ZNF561: variants seen among roughly 807,000 people sequenced by gnomAD.
ZNF561 encodes the protein zinc finger protein 561.
Under a neutral mutation model 16.7 loss-of-function variants are expected in ZNF561, and 16 were observed. That is an observed-to-expected ratio of 0.96 (90% confidence interval 0.65 to 1.45). The LOEUF (loss-of-function observed/expected upper bound fraction) is 1.45. ZNF561 is among the 40% of genes most tolerant of loss of function. The pLI is 0.00. For missense variants in ZNF561, 580 were observed against 578.0 expected, an observed-to-expected ratio of 1.00 and a Z score of -0.04; for synonymous variants, 190 against 192.1, an observed-to-expected ratio of 0.99 and a Z score of 0.09.
At chr19:9,612,959 C>A (rs2074488221) in intron 5 of ZNF561, among the ~76,000 whole-genome samples, 1 of 151,988 alleles carries the variant, frequency 6.6e-6, no homozygotes, top group Non-Finnish European at 1.5e-5. Flanking sequence ...ACACGCCCTG[C>A]TAATTTTTTA....
At chr19:9,611,637 G>T (rs981087377) in intron 5 of ZNF561, among the ~76,000 whole-genome samples, 5 of 151,942 alleles carry the variant, frequency 3.3e-5, no homozygotes, top group Admixed American at 6.6e-5. Context: ...TAGAAACAAG[G>T]TTTTGCCAAG....
rs868609698 is a variant in ZNF561, at chr19:9,618,275, A to G, written c.26-96T>C. 1.2e-5 allele frequency: 15 copies of G among 1,206,646 alleles called. No individual in the cohort carries two copies. In the South Asian group the frequency reaches 2.0e-4, roughly 16 times the overall value. 74.7% of individuals were successfully genotyped at this position (1,206,646 alleles called of 1,614,324 possible). On this transcript the variant is annotated intron_variant, in intron 2 of 5. Coordinates refer to ENST00000302851, the MANE Select transcript of ZNF561 (RefSeq NM_152289.3). ...CATTCCATCCTAGCTTGAAATTCCG[A>G]TATGCTCCTACACACTCGAGAAAAC...
chr19:9,611,344 T>C lies in ZNF561; in HGVS notation c.325-8A>G, dbSNP rs766073229. Reference sequence around the variant, plus strand: ...TCCACTGTAGCCTCTTGTCTGTTGATGACGAGATAAAGGTTTTAAAACATT... The same window carrying C: ...TCCACTGTAGCCTCTTGTCTGTTGACGACGAGATAAAGGTTTTAAAACATT... On this transcript the variant is annotated splice_polypyrimidine_tract_variant and splice_region_variant and intron_variant, in intron 5 of 5. Coordinates refer to ENST00000302851, the MANE Select transcript of ZNF561 (RefSeq NM_152289.3). 2.5e-6 allele frequency: 4 copies of C among 1,596,112 alleles called. No homozygotes were observed. The highest frequency in any genetic ancestry group is 3.4e-6 in the Non-Finnish European group (4 of 1,169,378).
At chr19:9,612,600 C>T (rs558439052) in intron 5 of ZNF561, among the ~76,000 whole-genome samples, 1 of 152,278 alleles carries the variant, frequency 6.6e-6, no homozygotes, top group African/African-American at 2.4e-5. Flanking sequence ...CTGCCTCAGC[C>T]TCCCAAAGTG....
At position 9,607,735 on chromosome 19, in the gene ZNF561, T is replaced by C. The variant is rs1281011437; in HGVS notation, c.*2465A>G. 3 of 151,964 alleles carry C rather than the reference T, an allele frequency of 2.0e-5. No homozygotes were observed. The highest frequency in any genetic ancestry group is 7.3e-5 in the African/African-American group (3 of 41,360). 9.4% of individuals were successfully genotyped at this position (151,964 alleles called of 1,614,324 possible). ...AACGACTAAAGTGGAAAAGTAAGAG[T>C]CATTATTTACAGATTATGTGATTGT... is the stretch of plus-strand genomic sequence containing the variant. On this transcript the variant is annotated 3_prime_UTR_variant, in exon 6 of 6. Coordinates refer to ENST00000302851, the MANE Select transcript of ZNF561 (RefSeq NM_152289.3).
In ZNF561 at chr19:9,617,722, T is replaced by C. The variant is rs554294686; in HGVS notation, c.114+369A>G. On this transcript the variant is annotated intron_variant, in intron 3 of 5. Coordinates refer to ENST00000302851, the MANE Select transcript of ZNF561 (RefSeq NM_152289.3). The stretch of plus-strand genomic sequence containing the variant: ...CTAGGAGCTCTTCCTGTCCCATTGG[T>C]GTCTATGCAGCACACTCCTCAGCAC... The C allele has an allele frequency of 3.6e-4, 164 of 457,832 alleles. No homozygotes were observed. In the Admixed American group the frequency reaches 3.8e-3, roughly 10 times the overall value. 28.4% of individuals were successfully genotyped at this position (457,832 alleles called of 1,614,324 possible).
chr19:9,617,216 A>G, intron 3 of ZNF561, 45 bp from the exon 4 acceptor site: 1 of 1,591,260 alleles, frequency 6.3e-7, no homozygotes, highest in Non-Finnish European at 8.6e-7. Context: ...GAACACTTCC[A>G]CCAATATTCA....
chr19:9,611,395 C>G, intron 5 of ZNF561, 59 bp from the exon 6 acceptor site: 1 of 1,487,386 alleles, frequency 6.7e-7, no homozygotes. Context: ...AGATTTCACC[C>G]ATCTGAACAC....
Position 9,619,592 on chromosome 19 carries a change from T to C in ZNF561, c.-126-10A>G. The C allele has an allele frequency of 3.0e-6, 2 of 668,302 alleles. No homozygotes were observed. The highest frequency in any genetic ancestry group is 4.8e-6 in the Non-Finnish European group (2 of 413,678). 41.4% of individuals were successfully genotyped at this position (668,302 alleles called of 1,614,324 possible). On this transcript the variant is annotated splice_polypyrimidine_tract_variant and intron_variant, in intron 1 of 5. Coordinates refer to ENST00000302851, the MANE Select transcript of ZNF561 (RefSeq NM_152289.3). ...AGGGTTATTTGCGGTCCTGTTCATA[T>C]CAATCATCAAACAACAAGCATGAAA...
At chr19:9,617,272 G>A in intron 3 of ZNF561, 101 bp from the exon 4 acceptor site, 1 of 1,453,858 alleles carries the variant, frequency 6.9e-7, no homozygotes, top group African/African-American at 1.4e-5. Flanking sequence ...ACACGTGGTT[G>A]TCAGGTCTCC....
In ZNF561 at chr19:9,609,164, T is replaced by C. The variant is rs2074401446; in HGVS notation, c.*1036A>G. On this transcript the variant is annotated 3_prime_UTR_variant, in exon 6 of 6. Coordinates refer to ENST00000302851, the MANE Select transcript of ZNF561 (RefSeq NM_152289.3). ...AGCCAGAGCCTGTCCCTTTCTTTCT[T>C]GTAAGGAATACTTTTAGCTAATCTA... The C allele has an allele frequency of 6.6e-6, 1 of 152,228 alleles. No individual in the cohort carries two copies. Among genetic ancestry groups the C allele is most frequent in the Non-Finnish European group, 1.5e-5 (1 of 68,042 alleles). 9.4% of individuals were successfully genotyped at this position (152,228 alleles called of 1,614,324 possible).
intron 2 of ZNF561, 35 bp from the exon 3 acceptor site, chr19:9,618,214 G>A (rs2074594247): frequency 8.5e-6 from 13 of 1,525,876 alleles, no homozygotes; most frequent in Non-Finnish European, 1.1e-5. Context: ...AGAAGCCAGA[G>A]CTGCCCATCC....
At chr19:9,620,315 C>T (rs2144912000) in intron 1 of ZNF561, among the ~76,000 whole-genome samples, 1 of 152,258 alleles carries the variant, frequency 6.6e-6, no homozygotes, top group South Asian at 2.1e-4. Context: ...GTCTTGAACT[C>T]CTGGCCTTAA....
Position 9,609,285 on chromosome 19 carries a change from C to T in ZNF561, c.*915G>A, listed in dbSNP as rs1381513412. ...TCTCAGCTCTGAAGGCTGTGAGCCC[C>T]GATTCCCACTCTGCACTCTATTTCT... On this transcript the variant is annotated 3_prime_UTR_variant, in exon 6 of 6. Transcript: ENST00000302851. 4 of 152,140 alleles carry T rather than the reference C, an allele frequency of 2.6e-5. No individual in the cohort carries two copies. Among genetic ancestry groups the T allele is most frequent in the Admixed American group, 6.5e-5 (1 of 15,268 alleles). The allele number at this position is 152,140 out of a possible 1,614,324, so 9.4% of individuals were successfully genotyped here. A position where few individuals can be genotyped will look rare whatever the true frequency, so the allele number is the denominator to read the frequency against.
At chr19:9,616,228 C>T (rs1240301296) in intron 4 of ZNF561, among the ~76,000 whole-genome samples, 1 of 152,138 alleles carries the variant, frequency 6.6e-6, no homozygotes, top group African/African-American at 2.4e-5. Flanking sequence ...AAGCATGTAA[C>T]ATACATCTGC....
chr19:9,610,747 CCA>C lies in ZNF561; in HGVS notation c.912_913del (p.Gly305AsnfsTer15), dbSNP rs2074435984. 1 of 1,613,982 alleles carries C rather than the reference CCA, an allele frequency of 6.2e-7. No homozygotes were observed. Among genetic ancestry groups the C allele is most frequent in the South Asian group, 1.1e-5 (1 of 91,080 alleles). On this transcript the variant is annotated frameshift_variant, in exon 6 of 6. Transcript: ENST00000302851. LOFTEE classifies it low-confidence loss of function (END_TRUNC). ...GTAAGTACACTTGTGTGGTTTTATTCCAGTGTGAATTTGAATGTGATCATTAA... is the reference window on the plus strand; with the variant it reads ...GTAAGTACACTTGTGTGGTTTTATTCGTGTGAATTTGAATGTGATCATTAA...
intron 1 of ZNF561, among the ~76,000 whole-genome samples, chr19:9,620,439 T>C (rs2074650123): frequency 6.6e-6 from 1 of 152,196 alleles, no homozygotes; most frequent in South Asian, 2.1e-4. Context: ...TTGCCTAGGC[T>C]AGTCTCAAAC....
chr19:9,615,698 G>A (rs2074541943), intron 4 of ZNF561, among the ~76,000 whole-genome samples: 1 of 150,930 alleles, frequency 6.6e-6, no homozygotes, highest in Non-Finnish European at 1.5e-5. Flanking sequence ...CCGAGGTCAG[G>A]AGTTCAAGAC....
At chr19:9,619,899 ATATC>A (rs879729808) in intron 1 of ZNF561, among the ~76,000 whole-genome samples, 820 of 94,524 alleles carry the variant, frequency 8.7e-3, no homozygotes, top group Non-Finnish European at 0.012. Context: ...ATATCTATCT[ATATC>A]TATCTATCTA....
Sources: allele counts gnomAD v4.1 joint callset (sites outside exome capture counted in the v4.1 genomes callset), GRCh38; gene constraint gnomAD v4.1.1; transcripts MANE v1.5; gene names NCBI Gene and HGNC (gene_info 2026-07-23, HGNC 2026-07-21).